FOXP1: variants seen among roughly 807,000 people sequenced by gnomAD.
FOXP1 encodes the protein forkhead box P1, also known as forkhead box protein P1.
Under a neutral mutation model 98.2 loss-of-function variants are expected in FOXP1, and 15 were observed. The ratio of observed to expected loss-of-function variants is 0.15; its 90% confidence interval spans 0.10 to 0.24. The LOEUF (loss-of-function observed/expected upper bound fraction) is 0.24, where lower values mean the gene tolerates loss of function less well. FOXP1 is among the 10% of genes least tolerant of loss of function. The pLI is 1.00. For synonymous variants in FOXP1, 371 were observed against 314.5 expected, an observed-to-expected ratio of 1.18 and a Z score of -1.90; for missense variants, 633 against 848.5, an observed-to-expected ratio of 0.75 and a Z score of 3.15.
At chr3:71,347,487 C>T (rs2077437285) in intron 4 of FOXP1, among the ~76,000 whole-genome samples, 1 of 152,198 alleles carries the variant, frequency 6.6e-6, no homozygotes, top group Non-Finnish European at 1.5e-5. Context: ...TTTGCATAAA[C>T]TACATGCTAG....
chr3:71,042,633 G>T (rs2048502971), intron 10 of FOXP1, among the ~76,000 whole-genome samples: 1 of 152,156 alleles, frequency 6.6e-6, no homozygotes, highest in Non-Finnish European at 1.5e-5. Context: ...GCAGTTCATT[G>T]TTTCAATCAA....
At chr3:71,432,865 A>ACC (rs1560478112) in intron 3 of FOXP1, among the ~76,000 whole-genome samples, 1 of 147,980 alleles carries the variant, frequency 6.8e-6, no homozygotes, top group Non-Finnish European at 1.5e-5. Flanking sequence ...AAAAAAAAAA[A>ACC]ATTAAAAAAA....
At chr3:71,287,171 T>C (rs559945782) in intron 5 of FOXP1, among the ~76,000 whole-genome samples, 1 of 152,322 alleles carries the variant, frequency 6.6e-6, no homozygotes. Flanking sequence ...TTTTTAAATA[T>C]GCCATATATA....
At chr3:71,473,903 T>C (rs968008498) in intron 3 of FOXP1, among the ~76,000 whole-genome samples, 4 of 152,174 alleles carry the variant, frequency 2.6e-5, no homozygotes, top group African/African-American at 7.2e-5. Flanking sequence ...TAATTAATTA[T>C]GAAGCCCTAC....
chr3:71,236,018 G>A (rs9835527), intron 5 of FOXP1, among the ~76,000 whole-genome samples: 5 of 152,044 alleles, frequency 3.3e-5, no homozygotes, highest in African/African-American at 9.7e-5. Context: ...CTCCAGGACC[G>A]CATGTAACAA....
chr3:71,365,851 C>CG (rs763237687), intron 3 of FOXP1, among the ~76,000 whole-genome samples: 36 of 152,226 alleles, frequency 2.4e-4, no homozygotes, highest in Non-Finnish European at 4.9e-4. Flanking sequence ...AGCGTGGTGG[C>CG]GTGTGCCTCT....
chr3:71,436,324 G>A (rs1236189237), intron 3 of FOXP1, among the ~76,000 whole-genome samples: 1 of 152,060 alleles, frequency 6.6e-6, no homozygotes, highest in African/African-American at 2.4e-5. Context: ...GATGCAGCCT[G>A]GTATAAGCCA....
At chr3:71,452,278 C>A (rs2087027621) in intron 3 of FOXP1, among the ~76,000 whole-genome samples, 1 of 152,132 alleles carries the variant, frequency 6.6e-6, no homozygotes, top group African/African-American at 2.4e-5. Context: ...AGAAATTAGT[C>A]TCAAGACTAA....
chr3:71,084,008 T>C (rs139000152), intron 7 of FOXP1, among the ~76,000 whole-genome samples: 1 of 152,192 alleles, frequency 6.6e-6, no homozygotes. Context: ...ACCATTGCAG[T>C]TGCAAATCTT....
At chr3:71,244,331 C>G (rs186926412) in intron 5 of FOXP1, among the ~76,000 whole-genome samples, 18 of 152,180 alleles carry the variant, frequency 1.2e-4, no homozygotes, top group Admixed American at 5.2e-4. Flanking sequence ...ATCTCTCCCC[C>G]CTCTTTTAGG....
rs564584011 is a variant in FOXP1, at chr3:71,209,559, T to C, written c.-11-11167A>G. 2.0e-5 allele frequency among the ~76,000 whole-genome samples: 3 copies of C among 152,336 alleles called. No individual in the cohort carries two copies. The South Asian group carries it at 6.2e-4, about 32-fold the overall frequency. ...CAAAAAATAAAATAATCAGTTGATG[T>C]CCCATGTAACCACTCAGGGGTTCAT... On this transcript the variant is annotated intron_variant, in intron 5 of 20. Coordinates refer to ENST00000649528, the MANE Select transcript of FOXP1 (RefSeq NM_001349338.3).
At chr3:71,531,542 G>A (rs1422741157) in intron 2 of FOXP1, among the ~76,000 whole-genome samples, 1 of 152,124 alleles carries the variant, frequency 6.6e-6, no homozygotes. Flanking sequence ...AAATAAGTGA[G>A]GAAACAAAGA....
chr3:71,360,876 G>A (rs552770909), intron 3 of FOXP1: 14 of 152,282 alleles, frequency 9.2e-5, no homozygotes, highest in Middle Eastern at 3.4e-3. Context: ...ACCTGTCTCC[G>A]GAAACTATGT....
intron 5 of FOXP1, chr3:71,292,595 A>G (rs1430291902): frequency 6.6e-6 from 1 of 152,266 alleles, no homozygotes; most frequent in East Asian, 1.9e-4. Flanking sequence ...TTGGCCTCCC[A>G]GAGTGCTGGG....
At chr3:71,333,371 T>G (rs752817048) in intron 4 of FOXP1, 1 of 146,984 alleles carries the variant, frequency 6.8e-6, no homozygotes, top group African/African-American at 2.4e-5. Context: ...TATAAAAATT[T>G]TGAGGTAAAA....
intron 7 of FOXP1, among the ~76,000 whole-genome samples, chr3:71,064,475 C>T (rs1238744729): frequency 6.6e-6 from 1 of 152,036 alleles, no homozygotes; most frequent in Non-Finnish European, 1.5e-5. Flanking sequence ...GAGAGAAACA[C>T]ACAAGCAGGA....
intron 7 of FOXP1, among the ~76,000 whole-genome samples, chr3:71,078,942 T>C (rs2054117128): frequency 6.6e-6 from 1 of 152,150 alleles, no homozygotes; most frequent in South Asian, 2.1e-4. Context: ...AAGAACCAAG[T>C]TCATCCCACC....
chr3:71,403,527 G>A (rs910391514), intron 3 of FOXP1, among the ~76,000 whole-genome samples: 5 of 152,224 alleles, frequency 3.3e-5, no homozygotes, highest in African/African-American at 1.2e-4. Context: ...ATGTTTATAG[G>A]AAAGAGTTTA....
intron 2 of FOXP1, among the ~76,000 whole-genome samples, chr3:71,540,392 G>A (rs2044700067): frequency 6.6e-6 from 1 of 152,168 alleles, no homozygotes; most frequent in African/African-American, 2.4e-5. Flanking sequence ...GAGTGAAGGG[G>A]GGACAAGAAG....
Sources: allele counts gnomAD v4.1 joint callset (sites outside exome capture counted in the v4.1 genomes callset), GRCh38; gene constraint gnomAD v4.1.1; transcripts MANE v1.5; gene names NCBI Gene and HGNC (gene_info 2026-07-23, HGNC 2026-07-21).